PCDH9: variants seen among roughly 807,000 people sequenced by gnomAD.
The protein encoded by PCDH9 is protocadherin-9.
PCDH9 carries 24 observed loss-of-function variants against 70.6 expected under a neutral mutation model. The ratio of observed to expected loss-of-function variants is 0.34; its 90% confidence interval spans 0.25 to 0.48. The LOEUF is 0.48. Among genes scored for constraint, PCDH9 ranks in the 20% least tolerant of loss-of-function variants. The pLI is 0.99. For synonymous variants in PCDH9, 562 were observed against 558.5 expected, an observed-to-expected ratio of 1.01 and a Z score of -0.09; for missense variants, 1,281 against 1,503.6, an observed-to-expected ratio of 0.85 and a Z score of 2.45.
At chr13:66,582,599 C>T (rs1010247152) in intron 4 of PCDH9, among the ~76,000 whole-genome samples, 3 of 152,064 alleles carry the variant, frequency 2.0e-5, no homozygotes, top group African/African-American at 4.8e-5. Flanking sequence ...CGCCACTGCA[C>T]TCCAGCTGGG....
At chr13:66,667,433 AT>A (rs1386478647) in intron 3 of PCDH9, among the ~76,000 whole-genome samples, 2 of 151,954 alleles carry the variant, frequency 1.3e-5, no homozygotes, top group Admixed American at 6.6e-5. Context: ...TTATTTCCTT[AT>A]TTTTTTTCTC....
At chr13:66,861,043 A>G (rs944106069) in intron 3 of PCDH9, among the ~76,000 whole-genome samples, 4 of 152,162 alleles carry the variant, frequency 2.6e-5, no homozygotes, top group Non-Finnish European at 4.4e-5. Flanking sequence ...AGCTGGGAAA[A>G]GAAATGTTTA....
At chr13:67,084,942 G>A (rs1468907317) in intron 2 of PCDH9, among the ~76,000 whole-genome samples, 1 of 118,324 alleles carries the variant, frequency 8.5e-6, no homozygotes, top group Non-Finnish European at 1.6e-5. Context: ...ACTCCAGCCT[G>A]GGTGACAGAG....
At chr13:66,816,023 A>G (rs2080599248) in intron 3 of PCDH9, among the ~76,000 whole-genome samples, 1 of 152,222 alleles carries the variant, frequency 6.6e-6, no homozygotes, top group Non-Finnish European at 1.5e-5. Context: ...ATGTTATAAC[A>G]TAACTCTCTC....
intron 2 of PCDH9, among the ~76,000 whole-genome samples, chr13:67,193,331 A>AC (rs2088968854): frequency 9.4e-6 from 1 of 106,534 alleles, no homozygotes; most frequent in Admixed American, 1.0e-4. Flanking sequence ...CTGGAGATTA[A>AC]AACACACACA....
At chr13:66,507,890 T>G (rs1164296086) in intron 4 of PCDH9, among the ~76,000 whole-genome samples, 3 of 151,952 alleles carry the variant, frequency 2.0e-5, no homozygotes, top group African/African-American at 7.3e-5. Context: ...CCCAGCTAAT[T>G]TTTTGTATTT....
At chr13:66,516,302 A>C (rs1959732457) in intron 4 of PCDH9, among the ~76,000 whole-genome samples, 1 of 152,028 alleles carries the variant, frequency 6.6e-6, no homozygotes, top group Admixed American at 6.6e-5. Flanking sequence ...GGGTCTTTCT[A>C]GTAAAGCTGT....
chr13:66,385,239 T>G (rs921896877), intron 4 of PCDH9, among the ~76,000 whole-genome samples: 9 of 152,168 alleles, frequency 5.9e-5, no homozygotes, highest in African/African-American at 2.2e-4. Flanking sequence ...GTACTTACCT[T>G]GATTACTAGT....
At chr13:67,121,164 T>C (rs1176641445) in intron 2 of PCDH9, among the ~76,000 whole-genome samples, 3 of 151,986 alleles carry the variant, frequency 2.0e-5, no homozygotes, top group Admixed American at 1.3e-4. Context: ...TGGATGTTTC[T>C]TGATATTAAT....
chr13:66,898,542 G>A (rs1441467328), intron 3 of PCDH9, among the ~76,000 whole-genome samples: 1 of 151,900 alleles, frequency 6.6e-6, no homozygotes, highest in Non-Finnish European at 1.5e-5. Context: ...ACATAATTAT[G>A]TAAATATACT....
chr13:67,124,638 T>A (rs1343103037), intron 2 of PCDH9, among the ~76,000 whole-genome samples: 3 of 152,160 alleles, frequency 2.0e-5, no homozygotes, highest in Non-Finnish European at 4.4e-5. Flanking sequence ...TTTATTAAAT[T>A]TCATAACCTA....
intron 4 of PCDH9, among the ~76,000 whole-genome samples, chr13:66,475,624 C>T (rs1305969527): frequency 6.6e-6 from 1 of 151,916 alleles, no homozygotes; most frequent in Non-Finnish European, 1.5e-5. Context: ...TATGCCCACA[C>T]AAAGTAGAGA....
At chr13:67,223,307 A>G (rs376604797) in intron 2 of PCDH9, 1 of 152,154 alleles carries the variant, frequency 6.6e-6, no homozygotes, top group Non-Finnish European at 1.5e-5. Flanking sequence ...CACTATATAT[A>G]GGTTCAACTT....
chr13:66,821,912 T>C (rs2080717698), intron 3 of PCDH9, among the ~76,000 whole-genome samples: 1 of 152,180 alleles, frequency 6.6e-6, no homozygotes, highest in Admixed American at 6.5e-5. Context: ...TTTCTCAATG[T>C]GATTTTTATG....
chr13:67,061,107 T>C (rs559894825), intron 2 of PCDH9, among the ~76,000 whole-genome samples: 50 of 152,092 alleles, frequency 3.3e-4, no homozygotes, highest in Non-Finnish European at 5.9e-4. Flanking sequence ...GGAGAAAAGA[T>C]AATATGTGTT....
intron 4 of PCDH9, among the ~76,000 whole-genome samples, chr13:66,361,333 T>A (rs1241369465): frequency 6.6e-6 from 1 of 152,200 alleles, no homozygotes; most frequent in Non-Finnish European, 1.5e-5. Flanking sequence ...ATTATTTGTA[T>A]ATGTATGTGA....
At chr13:66,324,332 G>A (rs1223738356) in intron 4 of PCDH9, among the ~76,000 whole-genome samples, 2 of 151,904 alleles carry the variant, frequency 1.3e-5, no homozygotes, top group Non-Finnish European at 2.9e-5. Flanking sequence ...GACAAAACCA[G>A]GTGTTTTTGA....
At chr13:66,528,291 G>T (rs899374075) in intron 4 of PCDH9, among the ~76,000 whole-genome samples, 3 of 152,070 alleles carry the variant, frequency 2.0e-5, no homozygotes, top group Non-Finnish European at 4.4e-5. Context: ...CTTCACAGGG[G>T]AGTCTTCCAT....
intron 3 of PCDH9, among the ~76,000 whole-genome samples, chr13:66,844,817 T>C (rs1486915306): frequency 1.3e-5 from 2 of 152,126 alleles, no homozygotes; most frequent in Non-Finnish European, 2.9e-5. Context: ...CATATTCTTA[T>C]AGAATCTTAG....
Sources: gnomAD v4.1 joint callset for allele counts (sites outside exome capture counted in the v4.1 genomes callset) on GRCh38, gnomAD v4.1.1 for gene constraint, MANE v1.5 for transcripts, NCBI Gene and HGNC (gene_info 2026-07-23, HGNC 2026-07-21) for gene names.